The following NIPBL variants were observed in gnomAD, a reference collection of about 807,000 sequenced individuals.
NIPBL encodes the protein NIPBL cohesin loading factor.
In NIPBL, 19 loss-of-function variants were observed where a neutral mutation model predicts 321.8. The observed-to-expected ratio is 0.06, with a 90% CI of 0.04 to 0.09. The LOEUF is 0.09. NIPBL is among the 10% of genes least tolerant of loss of function. The pLI, the probability that NIPBL is intolerant of heterozygous loss-of-function variation, is 1.00. For missense variants in NIPBL, 2,210 were observed against 3,327.0 expected, an observed-to-expected ratio of 0.66 and a Z score of 8.26; for synonymous variants, 1,106 against 1,114.1, an observed-to-expected ratio of 0.99 and a Z score of 0.14.
At chr5:37,021,353 C>T (rs188021358) in intron 27 of NIPBL, among the ~76,000 whole-genome samples, 109 of 151,988 alleles carry the variant, frequency 7.2e-4, no homozygotes, top group African/African-American at 2.4e-3. Context: ...TCTTGTTTTA[C>T]AAATATATAT....
At chr5:36,879,280 G>A (rs960910238) in intron 1 of NIPBL, among the ~76,000 whole-genome samples, 1 of 152,184 alleles carries the variant, frequency 6.6e-6, no homozygotes, top group African/African-American at 2.4e-5. Context: ...ATGGGTTTAT[G>A]TGATTGATTC....
At chr5:36,899,471 G>T (rs1048068055) in intron 1 of NIPBL, among the ~76,000 whole-genome samples, 3 of 152,182 alleles carry the variant, frequency 2.0e-5, no homozygotes, top group African/African-American at 7.2e-5. Flanking sequence ...CTCATATTCA[G>T]TGCAGACTGT....
At chr5:37,017,561 T>G (rs1749134676) in intron 24 of NIPBL, among the ~76,000 whole-genome samples, 1 of 151,816 alleles carries the variant, frequency 6.6e-6, no homozygotes, top group Admixed American at 6.6e-5. Context: ...TTTTTATACT[T>G]TATTACATTA....
Position 37,007,376 on chromosome 5 carries a change from A to G in NIPBL, c.4141A>G (p.Arg1381Gly). 1 of 1,611,880 alleles carries G rather than the reference A, an allele frequency of 6.2e-7. No individual in the cohort carries two copies. The highest frequency in any genetic ancestry group is 8.5e-7 in the Non-Finnish European group (1 of 1,178,372). The change falls in exon 18 of 47, where the codon AGA (arginine) becomes GGA (glycine). Residue 1381 changes from arginine to glycine, a missense_variant. This residue lies in a region of NIPBL where 381 missense variants were observed against 642.3 expected (regional missense o/e 0.59). Coordinates refer to ENST00000282516, the MANE Select transcript of NIPBL (RefSeq NM_133433.4). Reference protein sequence around the residue: ...KRAKCSTHKQRVIVMLYNKVC... With the variant: ...KRAKCSTHKQGVIVMLYNKVC... ...GGCTAAATGTTCTACCCATAAGCAG[A>G]GAGTAATAGTAATGCTTTATAACAA...
chr5:36,949,978 ATT>A (rs1365190192), intron 1 of NIPBL, among the ~76,000 whole-genome samples: 1 of 152,062 alleles, frequency 6.6e-6, no homozygotes, highest in African/African-American at 2.4e-5. Flanking sequence ...CTAATTAAGC[ATT>A]CTTTTAATTA....
At chr5:36,914,522 T>A (rs1748307219) in intron 1 of NIPBL, among the ~76,000 whole-genome samples, 1 of 152,196 alleles carries the variant, frequency 6.6e-6, no homozygotes, top group Admixed American at 6.5e-5. Flanking sequence ...TGCGCAAAAG[T>A]ATTAGAGATA....
rs1454586787 is a variant in NIPBL, at chr5:37,020,647, C to T, written c.5199C>T (p.Thr1733=). The T allele has an allele frequency of 1.2e-6, 2 of 1,613,856 alleles. No individual in the cohort carries two copies. The highest frequency in any genetic ancestry group is 1.7e-6 in the Non-Finnish European group (2 of 1,179,930). Residue 1733 remains threonine, a synonymous_variant, in exon 26 of 47, where the codon ACC becomes ACT. Transcript: ENST00000282516. The stretch of plus-strand genomic sequence containing the variant: ...AGTTTCTTAGAAGCATTATCAAAAC[C>T]ACACCTTCTCAGTTTAGCACATTAA... ...RKKFLRSIIK[T]TPSQFSTLKM... is the part of the protein sequence containing the mutation.
rs190903094 is a variant in NIPBL, at chr5:36,950,605, C to T, written c.-79-3013C>T. Among the ~76,000 whole-genome samples, 26 of 152,196 alleles carry T rather than the reference C, an allele frequency of 1.7e-4. No individual in the cohort carries two copies. The East Asian group carries it at 4.6e-3, about 27-fold the overall frequency. On this transcript the variant is annotated intron_variant, in intron 1 of 46. Transcript: ENST00000282516. ...CCCACTAAATTTATTTTATAATCTA[C>T]TAATCAGTCACCAATCACAGATTGT...
At chr5:36,986,450 A>T in intron 10 of NIPBL, 149 bp downstream of exon 10, 5 of 557,906 alleles carry the variant, frequency 9.0e-6, no homozygotes, top group Non-Finnish European at 1.4e-5. Context: ...TTTTTTCAGG[A>T]GTATAGATAA....
At chr5:36,907,186 A>G (rs2149540913) in intron 1 of NIPBL, among the ~76,000 whole-genome samples, 1 of 152,324 alleles carries the variant, frequency 6.6e-6, no homozygotes. Context: ...TAACAAACCC[A>G]AAGGTGATGT....
chr5:36,957,983 C>CAAAAA, intron 3 of NIPBL, 121 bp from the exon 4 acceptor site: 2 of 752,074 alleles, frequency 2.7e-6, no homozygotes, highest in Non-Finnish European at 4.1e-6. Context: ...GACTTCGTCT[C>CAAAAA]AAAAAAAAAA....
chr5:36,922,471 T>C (rs769108392), intron 1 of NIPBL, among the ~76,000 whole-genome samples: 3 of 152,074 alleles, frequency 2.0e-5, no homozygotes, highest in Non-Finnish European at 2.9e-5. Context: ...AAAACAAAAC[T>C]GAGGGGTCAG....
At chr5:36,911,875 G>C (rs1748077568) in intron 1 of NIPBL, among the ~76,000 whole-genome samples, 1 of 152,202 alleles carries the variant, frequency 6.6e-6, no homozygotes, top group South Asian at 2.1e-4. Context: ...TGTAAATCTA[G>C]AAGTGAGTAG....
At chr5:37,005,479 G>A (rs775291333) in intron 16 of NIPBL, among the ~76,000 whole-genome samples, 2 of 152,132 alleles carry the variant, frequency 1.3e-5, no homozygotes, top group Non-Finnish European at 2.9e-5. Context: ...GTTGTGGATA[G>A]CCTTAACGTT....
chr5:36,903,972 A>G (rs1040362830), intron 1 of NIPBL, among the ~76,000 whole-genome samples: 5 of 152,208 alleles, frequency 3.3e-5, no homozygotes, highest in Non-Finnish European at 4.4e-5. Flanking sequence ...AGAAAGGAAT[A>G]TATTAGATTA....
Position 37,000,980 on chromosome 5 carries a change from C to G in NIPBL, c.3575-9C>G, listed in dbSNP as rs762888772. ...GTGAGAATAATGAATATATTTTTCTCTCTTGCAGAAATGATGGACTCTTCA... is the reference window on the plus strand; with the variant it reads ...GTGAGAATAATGAATATATTTTTCTGTCTTGCAGAAATGATGGACTCTTCA... On this transcript the variant is annotated splice_polypyrimidine_tract_variant and intron_variant, in intron 13 of 46. Coordinates refer to ENST00000282516, the MANE Select transcript of NIPBL (RefSeq NM_133433.4). 2.9e-5 allele frequency: 46 copies of G among 1,605,296 alleles called. No individual in the cohort carries two copies. The South Asian group carries it at 4.3e-4, about 15-fold the overall frequency.
chr5:37,010,472 C>G (rs556629630), intron 21 of NIPBL, among the ~76,000 whole-genome samples: 1 of 152,106 alleles, frequency 6.6e-6, no homozygotes, highest in Admixed American at 6.5e-5. Flanking sequence ...CGCACCACCA[C>G]GCCCGGCTAA....
chr5:36,952,018 CTGTGTGTGTGTG>C lies in NIPBL; in HGVS notation c.-79-1575_-79-1564del, dbSNP rs60067315. 1.8e-4 allele frequency among the ~76,000 whole-genome samples: 18 copies of C among 101,958 alleles called. No individual in the cohort carries two copies. The East Asian group carries it at 3.5e-3, about 20-fold the overall frequency. The allele number at this position is 101,958 out of a possible 152,430, so 66.9% of individuals were successfully genotyped here. ...ATGCTTACTTTATAACTCTGTTAAACTGTGTGTGTGTGTGTGTGTGTGTGTGTGTGTGTGTGC... is the reference window on the plus strand; with the variant it reads ...ATGCTTACTTTATAACTCTGTTAAACTGTGTGTGTGTGTGTGTGTGTGTGC... On this transcript the variant is annotated intron_variant, in intron 1 of 46. Coordinates refer to ENST00000282516, the MANE Select transcript of NIPBL (RefSeq NM_133433.4).
intron 11 of NIPBL, 35 bp from the exon 12 acceptor site, chr5:37,000,338 G>A (rs1462839743): frequency 5.7e-6 from 9 of 1,591,658 alleles, no homozygotes; most frequent in South Asian, 1.1e-5. Context: ...CTTTTTAAAT[G>A]AGGTAAATTA....
Sources: allele counts gnomAD v4.1 joint callset (sites outside exome capture counted in the v4.1 genomes callset), GRCh38; gene constraint gnomAD v4.1.1; regional missense constraint gnomAD v4.1.1; transcripts MANE v1.5; gene names NCBI Gene and HGNC (gene_info 2026-07-23, HGNC 2026-07-21).